The following CNTN5 variants were observed in gnomAD, a reference collection of about 807,000 sequenced individuals.
CNTN5 encodes contactin 5, also known as contactin-5.
In CNTN5, 77 loss-of-function variants were observed where a neutral mutation model predicts 129.1. The observed-to-expected ratio is 0.60, with a 90% CI of 0.50 to 0.72. The LOEUF (loss-of-function observed/expected upper bound fraction) is 0.72, where lower values mean the gene tolerates loss of function less well. Among genes scored for constraint, CNTN5 ranks in the 30% least tolerant of loss-of-function variants. CNTN5 has a pLI of 0.00. For synonymous variants in CNTN5, 509 were observed against 465.6 expected, an observed-to-expected ratio of 1.09 and a Z score of -1.20; for missense variants, 1,478 against 1,328.8, an observed-to-expected ratio of 1.11 and a Z score of -1.75.
chr11:100,312,826 C>T (rs1461186274), intron 21 of CNTN5, among the ~76,000 whole-genome samples: 1 of 151,984 alleles, frequency 6.6e-6, no homozygotes, highest in African/African-American at 2.4e-5. Flanking sequence ...TTCAGCTGCC[C>T]CTCTTATTTT....
intron 13 of CNTN5, among the ~76,000 whole-genome samples, chr11:100,178,840 T>C (rs1168982621): frequency 1.3e-5 from 2 of 152,154 alleles, no homozygotes; most frequent in Non-Finnish European, 2.9e-5. Flanking sequence ...ATGAAGGTGA[T>C]ATATTGAAGA....
chr11:99,221,548 C>T (rs1259242580), intron 1 of CNTN5, among the ~76,000 whole-genome samples: 1 of 151,678 alleles, frequency 6.6e-6, no homozygotes, highest in East Asian at 1.9e-4. Context: ...CAGTTTATTC[C>T]CCTGATGGAA....
intron 4 of CNTN5, among the ~76,000 whole-genome samples, chr11:99,824,182 G>C (rs1000824739): frequency 6.6e-6 from 1 of 151,924 alleles, no homozygotes; most frequent in Non-Finnish European, 1.5e-5. Context: ...TTATATAAAA[G>C]CATTGTAACA....
At chr11:99,054,473 AC>A (rs1032504636) in intron 1 of CNTN5, among the ~76,000 whole-genome samples, 1 of 151,944 alleles carries the variant, frequency 6.6e-6, no homozygotes, top group African/African-American at 2.4e-5. Context: ...ATATGGACTT[AC>A]ACTTGTAGGA....
intron 1 of CNTN5, among the ~76,000 whole-genome samples, chr11:99,124,297 A>G (rs1037078414): frequency 3.9e-5 from 6 of 151,910 alleles, no homozygotes; most frequent in Non-Finnish European, 7.4e-5. Context: ...GCAATTGTGA[A>G]TGGGATTATT....
chr11:99,562,170 T>G (rs1420135657), intron 3 of CNTN5, among the ~76,000 whole-genome samples: 2 of 152,206 alleles, frequency 1.3e-5, no homozygotes. Context: ...AGGCATTGAC[T>G]AAAATCTGCA....
chr11:100,256,025 T>G, intron 17 of CNTN5, 107 bp downstream of exon 17: 1 of 955,646 alleles, frequency 1.0e-6, no homozygotes, highest in Non-Finnish European at 1.5e-6. Context: ...TGAAATCTCT[T>G]TGTTATTTCT....
At chr11:99,938,955 C>T (rs1421586794) in intron 7 of CNTN5, among the ~76,000 whole-genome samples, 2 of 152,024 alleles carry the variant, frequency 1.3e-5, no homozygotes, top group Non-Finnish European at 2.9e-5. Flanking sequence ...TGATTTGACT[C>T]ATTCTAAATT....
intron 1 of CNTN5, among the ~76,000 whole-genome samples, chr11:99,095,784 C>A (rs1866447170): frequency 1.3e-5 from 2 of 151,748 alleles, no homozygotes; most frequent in Admixed American, 1.3e-4. Flanking sequence ...GTATTTTGGA[C>A]ATTATTTTGT....
chr11:99,251,147 G>T (rs553682642), intron 1 of CNTN5, among the ~76,000 whole-genome samples: 9 of 151,930 alleles, frequency 5.9e-5, no homozygotes, highest in African/African-American at 2.2e-4. Context: ...TCAAAGCTCT[G>T]CATATTGGAA....
chr11:100,205,934 T>G (rs1166150649), intron 15 of CNTN5, among the ~76,000 whole-genome samples: 1 of 152,056 alleles, frequency 6.6e-6, no homozygotes, highest in Non-Finnish European at 1.5e-5. Context: ...TGGAAATAAG[T>G]GGAGCATTCA....
chr11:99,862,104 G>T (rs572970502), intron 6 of CNTN5, among the ~76,000 whole-genome samples: 1 of 152,120 alleles, frequency 6.6e-6, no homozygotes. Context: ...AAGACTAAAT[G>T]AATATTTAAA....
At chr11:99,327,944 C>A (rs1023871400) in intron 2 of CNTN5, among the ~76,000 whole-genome samples, 10 of 152,268 alleles carry the variant, frequency 6.6e-5, no homozygotes, top group African/African-American at 2.4e-4. Context: ...AGAGAAGAGT[C>A]TGAATGGCTC....
chr11:100,332,943 G>C (rs994236070), intron 21 of CNTN5, among the ~76,000 whole-genome samples: 1 of 152,082 alleles, frequency 6.6e-6, no homozygotes, highest in African/African-American at 2.4e-5. Context: ...GTCCTACCCA[G>C]AGCAATCAGA....
intron 3 of CNTN5, among the ~76,000 whole-genome samples, chr11:99,681,004 A>G (rs1204809624): frequency 1.3e-5 from 2 of 152,012 alleles, no homozygotes; most frequent in Non-Finnish European, 2.9e-5. Flanking sequence ...GAGTGACTTC[A>G]GTGGAAGAAG....
chr11:99,693,641 A>G (rs971049073), intron 3 of CNTN5, among the ~76,000 whole-genome samples: 4 of 152,104 alleles, frequency 2.6e-5, no homozygotes, highest in African/African-American at 9.7e-5. Context: ...CTCTGCAAAC[A>G]TAATACCCAA....
chr11:99,768,496 T>A (rs1420465620), intron 3 of CNTN5, among the ~76,000 whole-genome samples: 1 of 152,134 alleles, frequency 6.6e-6, no homozygotes, highest in Non-Finnish European at 1.5e-5. Context: ...GGAGTATGCA[T>A]TGCCATTGAT....
chr11:99,103,655 ACCCTAT>A (rs1402109314), intron 1 of CNTN5, among the ~76,000 whole-genome samples: 1 of 151,942 alleles, frequency 6.6e-6, no homozygotes, highest in Non-Finnish European at 1.5e-5. Flanking sequence ...TGTGATTGTG[ACCCTAT>A]TTGGAAAAAA....
intron 9 of CNTN5, among the ~76,000 whole-genome samples, chr11:100,028,084 A>C (rs1941517119): frequency 6.6e-6 from 1 of 152,160 alleles, no homozygotes; most frequent in South Asian, 2.1e-4. Context: ...GGGAAAAAAA[A>C]CAGCAACTGA....
Sources: gnomAD v4.1 joint callset for allele counts (sites outside exome capture counted in the v4.1 genomes callset) on GRCh38, gnomAD v4.1.1 for gene constraint, MANE v1.5 for transcripts, NCBI Gene and HGNC (gene_info 2026-07-23, HGNC 2026-07-21) for gene names.